ZRANB3: variants seen among roughly 807,000 people sequenced by gnomAD.
The protein encoded by ZRANB3 is zinc finger RANBP2-type containing 3, also known as DNA annealing helicase and endonuclease ZRANB3.
A neutral mutation model predicts 133.8 loss-of-function variants in ZRANB3; 125 were observed. The ratio of observed to expected loss-of-function variants is 0.93; its 90% confidence interval spans 0.81 to 1.08. ZRANB3 has a LOEUF of 1.08. ZRANB3 is among the 50% of genes least tolerant of loss of function. ZRANB3 has a pLI of 0.00. For synonymous variants in ZRANB3, 387 were observed against 432.7 expected (o/e 0.89, Z 1.31); for missense variants, 1,229 against 1,275.5 (o/e 0.96, Z 0.56).
chr2:135,343,642 T>A (rs1192469875), intron 6 of ZRANB3, among the ~76,000 whole-genome samples: 1 of 149,670 alleles, frequency 6.7e-6, no homozygotes, highest in Non-Finnish European at 1.5e-5. Context: ...ATATCACATA[T>A]AAAGAGATTA....
At chr2:135,469,376 AT>A (rs1691151722) in intron 2 of ZRANB3, among the ~76,000 whole-genome samples, 2 of 152,320 alleles carry the variant, frequency 1.3e-5, no homozygotes, top group South Asian at 4.1e-4. Context: ...AACATTAATT[AT>A]TTGATCACAG....
chr2:135,384,368 A>C (rs1029208414), intron 3 of ZRANB3, among the ~76,000 whole-genome samples: 7 of 152,230 alleles, frequency 4.6e-5, no homozygotes, highest in African/African-American at 1.4e-4. Flanking sequence ...TAACAACCAA[A>C]AAAAGCCCAG....
intron 3 of ZRANB3, among the ~76,000 whole-genome samples, chr2:135,383,394 A>G (rs1412349730): frequency 1.3e-5 from 2 of 152,158 alleles, no homozygotes; most frequent in Non-Finnish European, 2.9e-5. Flanking sequence ...TACAATAATA[A>G]TGAGAGACTT....
intron 2 of ZRANB3, among the ~76,000 whole-genome samples, chr2:135,403,437 G>C (rs967944610): frequency 5.3e-5 from 8 of 152,236 alleles, no homozygotes; most frequent in South Asian, 2.1e-4. Flanking sequence ...GGCTTGAGTA[G>C]GTAAACAAAC....
intron 12 of ZRANB3, among the ~76,000 whole-genome samples, chr2:135,260,713 CTA>C (rs939254011): frequency 4.9e-5 from 7 of 143,820 alleles, no homozygotes; most frequent in South Asian, 2.1e-4. Context: ...ATATTATTGA[CTA>C]TTATATATTC....
intron 5 of ZRANB3, among the ~76,000 whole-genome samples, chr2:135,348,104 C>T (rs1685027832): frequency 6.6e-6 from 1 of 151,758 alleles, no homozygotes; most frequent in Admixed American, 6.6e-5. Flanking sequence ...ACTCAAAATA[C>T]AAAAATGTGC....
intron 2 of ZRANB3, among the ~76,000 whole-genome samples, chr2:135,474,381 A>T (rs1691408781): frequency 6.6e-6 from 1 of 152,036 alleles, no homozygotes; most frequent in Admixed American, 6.6e-5. Flanking sequence ...GTCCCCTCGA[A>T]ATTTCTTATT....
chr2:135,345,347 A>G, intron 6 of ZRANB3: 1 of 431,564 alleles, frequency 2.3e-6, no homozygotes, highest in Non-Finnish European at 4.1e-6. Flanking sequence ...GCATGCCTGT[A>G]ATCCCAGCTA....
chr2:135,377,392 G>A (rs990945869), intron 3 of ZRANB3, among the ~76,000 whole-genome samples: 8 of 152,012 alleles, frequency 5.3e-5, no homozygotes, highest in South Asian at 2.1e-4. Context: ...TTCTAGTATC[G>A]ATCTTCAGTA....
intron 2 of ZRANB3, among the ~76,000 whole-genome samples, chr2:135,425,430 G>A (rs1220521593): frequency 6.6e-6 from 1 of 152,126 alleles, no homozygotes; most frequent in Non-Finnish European, 1.5e-5. Context: ...AACATACAAA[G>A]TTAAGCAAGT....
chr2:135,466,315 G>A (rs1384027667), intron 2 of ZRANB3, among the ~76,000 whole-genome samples: 3 of 148,418 alleles, frequency 2.0e-5, no homozygotes, highest in East Asian at 2.0e-4. Flanking sequence ...CCCGGGAGTC[G>A]GAGGTTGCAG....
intron 2 of ZRANB3, among the ~76,000 whole-genome samples, chr2:135,472,543 G>A (rs1287802523): frequency 6.6e-6 from 1 of 151,552 alleles, no homozygotes; most frequent in Non-Finnish European, 1.5e-5. Flanking sequence ...CACAAGCTTG[G>A]GATTATTTTG....
intron 1 of ZRANB3, among the ~76,000 whole-genome samples, chr2:135,507,667 T>G (rs990337864): frequency 2.6e-5 from 4 of 152,144 alleles, no homozygotes; most frequent in African/African-American, 9.6e-5. Flanking sequence ...TCCTTTTTTT[T>G]TTTTTCTTTG....
At chr2:135,497,715 G>A (rs1204969072) in intron 2 of ZRANB3, among the ~76,000 whole-genome samples, 2 of 152,104 alleles carry the variant, frequency 1.3e-5, no homozygotes, top group African/African-American at 4.8e-5. Flanking sequence ...TCAATAAATT[G>A]TGCTGGATCA....
intron 6 of ZRANB3, among the ~76,000 whole-genome samples, chr2:135,335,716 CA>C (rs534376554): frequency 1.2e-3 from 183 of 152,122 alleles, no homozygotes; most frequent in Non-Finnish European, 2.3e-3. Flanking sequence ...CAAAACAAAA[CA>C]AAACAACAAA....
intron 2 of ZRANB3, among the ~76,000 whole-genome samples, chr2:135,419,846 T>C (rs1357464486): frequency 6.6e-6 from 1 of 151,768 alleles, no homozygotes; most frequent in East Asian, 1.9e-4. Flanking sequence ...TTTTGCAGTC[T>C]TTGGTGGTAG....
At chr2:135,244,516 G>T (rs866013345) in intron 12 of ZRANB3, among the ~76,000 whole-genome samples, 6 of 152,198 alleles carry the variant, frequency 3.9e-5, no homozygotes, top group Non-Finnish European at 8.8e-5. Context: ...GCTGACGCAC[G>T]AGAATCACTT....
intron 2 of ZRANB3, among the ~76,000 whole-genome samples, chr2:135,465,286 C>G (rs1471047424): frequency 6.7e-6 from 1 of 148,320 alleles, no homozygotes; most frequent in Non-Finnish European, 1.5e-5. Flanking sequence ...CTCATGGTTA[C>G]CTAATTTTGT....
intron 12 of ZRANB3, among the ~76,000 whole-genome samples, chr2:135,263,306 G>A (rs1291839963): frequency 6.6e-6 from 1 of 152,048 alleles, no homozygotes; most frequent in Non-Finnish European, 1.5e-5. Context: ...CTTCTAAATA[G>A]CATTTTATAA....
Sources: gnomAD v4.1 joint callset for allele counts (sites outside exome capture counted in the v4.1 genomes callset) on GRCh38, gnomAD v4.1.1 for gene constraint, MANE v1.5 for transcripts, NCBI Gene and HGNC (gene_info 2026-07-23, HGNC 2026-07-21) for gene names.